The following LRRC4C variants were observed in gnomAD, a reference collection of about 807,000 sequenced individuals.
LRRC4C encodes leucine rich repeat containing 4C.
Under a neutral mutation model 33.6 loss-of-function variants are expected in LRRC4C, and 5 were observed. The ratio of observed to expected loss-of-function variants is 0.15; its 90% CI spans 0.08 to 0.31. LRRC4C has a LOEUF of 0.31. Among genes scored for constraint, LRRC4C ranks in the 10% least tolerant of loss-of-function variants. LRRC4C has a pLI of 1.00. For synonymous variants in LRRC4C, 329 were observed against 302.0 expected (o/e 1.09, Z -0.93); for missense variants, 560 against 796.7 (o/e 0.70, Z 3.58).
intron 1 of LRRC4C, among the ~76,000 whole-genome samples, chr11:41,405,310 C>A (rs1266904921): frequency 1.3e-5 from 2 of 152,080 alleles, no homozygotes; most frequent in Non-Finnish European, 2.9e-5. Flanking sequence ...ACATAAGCAA[C>A]TAAAATAAGT....
intron 3 of LRRC4C, among the ~76,000 whole-genome samples, chr11:40,358,847 TATTC>T (rs370496230): frequency 6.6e-6 from 1 of 152,130 alleles, no homozygotes; most frequent in Non-Finnish European, 1.5e-5. Flanking sequence ...CCAAGGAAGC[TATTC>T]ATTCATTCAT....
At chr11:40,292,615 T>G (rs1944267668) in intron 4 of LRRC4C, 1 of 146,368 alleles carries the variant, frequency 6.8e-6, no homozygotes, top group Non-Finnish European at 1.5e-5. Context: ...TTTTTCTTTG[T>G]GAATCCTCGG....
rs530908876 is a variant in LRRC4C at position 40,361,382 on chromosome 11, T to C, written c.-269-41661A>G. On this transcript the variant is annotated intron_variant, in intron 3 of 6. Coordinates refer to ENST00000528697, the MANE Select transcript of LRRC4C (RefSeq NM_001258419.2). The stretch of plus-strand genomic sequence containing the variant: ...ACAGTGTCTTAGGATACAAAATTTA[T>C]GTGCAAAAATTGCCAGCATTTCTAT... 5.9e-5 allele frequency among the ~76,000 whole-genome samples: 9 copies of C among 152,298 alleles called. No individual in the cohort carries two copies. The South Asian group carries it at 1.7e-3, about 28-fold the overall frequency.
At chr11:40,713,763 T>C (rs1164792852) in intron 2 of LRRC4C, among the ~76,000 whole-genome samples, 2 of 152,154 alleles carry the variant, frequency 1.3e-5, no homozygotes, top group Non-Finnish European at 2.9e-5. Context: ...ATCTCAAAGC[T>C]TTTTGTTTAT....
intron 1 of LRRC4C, among the ~76,000 whole-genome samples, chr11:41,231,272 C>A (rs1389232975): frequency 1.3e-5 from 2 of 151,944 alleles, no homozygotes; most frequent in Non-Finnish European, 2.9e-5. Context: ...GGGTATATAC[C>A]CAAAGGATTA....
chr11:40,885,920 G>A (rs1210569350), intron 2 of LRRC4C, among the ~76,000 whole-genome samples: 1 of 152,094 alleles, frequency 6.6e-6, no homozygotes, highest in Non-Finnish European at 1.5e-5. Flanking sequence ...TTGGATGGCT[G>A]TAGAATGCAG....
At chr11:40,258,606 T>C (rs963734985) in intron 4 of LRRC4C, among the ~76,000 whole-genome samples, 1 of 152,166 alleles carries the variant, frequency 6.6e-6, no homozygotes, top group African/African-American at 2.4e-5. Context: ...CGAGCAGATA[T>C]GGAAAATAGC....
intron 3 of LRRC4C, among the ~76,000 whole-genome samples, chr11:40,472,169 A>G (rs2138302136): frequency 6.6e-6 from 1 of 152,072 alleles, no homozygotes; most frequent in Admixed American, 6.6e-5. Context: ...AGTCCCAGCT[A>G]CTTGGGAGGC....
chr11:40,568,587 TG>T, intron 3 of LRRC4C, among the ~76,000 whole-genome samples: 1 of 152,260 alleles, frequency 6.6e-6, no homozygotes, highest in African/African-American at 2.4e-5. Flanking sequence ...CTGATACTAT[TG>T]GGGCCATGCA....
At chr11:40,745,480 T>G (rs952885673) in intron 2 of LRRC4C, among the ~76,000 whole-genome samples, 4 of 152,172 alleles carry the variant, frequency 2.6e-5, no homozygotes, top group African/African-American at 9.7e-5. Context: ...AACTGATAAT[T>G]GCTTAAAGCA....
intron 3 of LRRC4C, chr11:40,445,566 A>G (rs904193610): frequency 3.3e-5 from 5 of 153,452 alleles, no homozygotes; most frequent in African/African-American, 1.2e-4. Context: ...TCCAGCCTCC[A>G]CTTTCATCTC....
intron 1 of LRRC4C, among the ~76,000 whole-genome samples, chr11:41,063,949 A>T (rs1184960688): frequency 1.3e-5 from 2 of 152,130 alleles, no homozygotes; most frequent in Non-Finnish European, 2.9e-5. Context: ...TGGAGGTAGA[A>T]TTGGCAGGTC....
chr11:40,280,402 C>T (rs968916203), intron 4 of LRRC4C, among the ~76,000 whole-genome samples: 5 of 152,198 alleles, frequency 3.3e-5, no homozygotes, highest in African/African-American at 1.2e-4. Flanking sequence ...ATTCACTGGC[C>T]ACGTGCATTA....
At chr11:41,142,906 G>A (rs1943571962) in intron 1 of LRRC4C, among the ~76,000 whole-genome samples, 1 of 152,138 alleles carries the variant, frequency 6.6e-6, no homozygotes, top group Non-Finnish European at 1.5e-5. Flanking sequence ...GAAAAACAGT[G>A]TTCGTGTCAT....
At chr11:40,998,516 T>C (rs1331725582) in intron 1 of LRRC4C, among the ~76,000 whole-genome samples, 1 of 152,136 alleles carries the variant, frequency 6.6e-6, no homozygotes, top group Non-Finnish European at 1.5e-5. Context: ...ATTTTCTCCA[T>C]GCAATATAAG....
At chr11:40,125,812 C>G (rs148275568) in intron 6 of LRRC4C, among the ~76,000 whole-genome samples, 2 of 152,142 alleles carry the variant, frequency 1.3e-5, no homozygotes, top group East Asian at 3.9e-4. Context: ...AACAAAGCAA[C>G]GAATTAAATA....
At chr11:40,942,506 A>G (rs1448107071) in intron 1 of LRRC4C, among the ~76,000 whole-genome samples, 2 of 152,206 alleles carry the variant, frequency 1.3e-5, no homozygotes, top group Admixed American at 6.6e-5. Context: ...GAACTAATGT[A>G]GAAATACAGG....
chr11:40,149,416 G>A (rs1287178370), intron 5 of LRRC4C, among the ~76,000 whole-genome samples: 1 of 152,074 alleles, frequency 6.6e-6, no homozygotes, highest in Non-Finnish European at 1.5e-5. Context: ...CTGGTTAGCT[G>A]TATTCCTGGT....
chr11:40,538,857 C>A (rs971663918), intron 3 of LRRC4C, among the ~76,000 whole-genome samples: 2 of 152,062 alleles, frequency 1.3e-5, no homozygotes, highest in Admixed American at 1.3e-4. Context: ...GATGGTATCT[C>A]GTTGTGGTTT....
Sources: allele counts gnomAD v4.1 joint callset (sites outside exome capture counted in the v4.1 genomes callset), GRCh38; gene constraint gnomAD v4.1.1; transcripts MANE v1.5; gene names NCBI Gene and HGNC (gene_info 2026-07-23, HGNC 2026-07-21).